The following CWC15 variants were observed in gnomAD, a reference collection of about 807,000 sequenced individuals.
The protein encoded by CWC15 is spliceosome-associated protein CWC15 homolog.
CWC15 carries 12 observed loss-of-function variants against 28.4 expected under a neutral mutation model. The observed-to-expected ratio is 0.42, with a 90% CI of 0.27 to 0.69. The LOEUF (loss-of-function observed/expected upper bound fraction) is 0.69. CWC15 is among the 30% of genes least tolerant of loss of function. The pLI is 0.23. For missense variants in CWC15, 192 were observed against 271.5 expected (o/e 0.71, Z 2.06); for synonymous variants, 92 against 88.4 (o/e 1.04, Z -0.23).
At chr11:94,969,358 C>T (rs1857687338) in intron 5 of CWC15, among the ~76,000 whole-genome samples, 1 of 152,166 alleles carries the variant, frequency 6.6e-6, no homozygotes, top group African/African-American at 2.4e-5. Flanking sequence ...TATCAATCTC[C>T]TGCTGAAATC....
intron 5 of CWC15, among the ~76,000 whole-genome samples, chr11:94,969,581 C>T (rs1555095832): frequency 6.6e-6 from 1 of 152,084 alleles, no homozygotes; most frequent in African/African-American, 2.4e-5. Context: ...AGTTAGGTAG[C>T]TTGACCTAGG....
At position 94,971,543 on chromosome 11, in the gene CWC15, C is replaced by CAT. The variant is rs782292883; in HGVS notation, c.132-57_132-56insAT. 1.0e-3 allele frequency: 1,038 copies of CAT among 1,009,690 alleles called. 3 individuals are homozygous for CAT. The highest frequency in any genetic ancestry group is 2.2e-3 in the Admixed American group (96 of 43,604). The allele number at this position is 1,009,690 out of a possible 1,614,324, so 62.5% of individuals were successfully genotyped here. A position where few individuals can be genotyped will look rare whatever the true frequency, so the allele number is the denominator to read the frequency against. On this transcript the variant is annotated intron_variant, in intron 2 of 6. Coordinates refer to ENST00000279839, the MANE Select transcript of CWC15 (RefSeq NM_016403.4). ...TTACTTAAACACACACACACACACA[C>CAT]ACAGAGACTGTAGTAATGGAAGACA...
chr11:94,971,059 G>T lies in CWC15; in HGVS notation c.251C>A (p.Thr84Lys). 6.2e-7 allele frequency: 1 copy of T among 1,613,188 alleles called. No homozygotes were observed. The highest frequency in any genetic ancestry group is 1.1e-5 in the South Asian group (1 of 91,066). The change falls in exon 4 of 7, where the codon ACA (threonine) becomes AAA (lysine). Residue 84 changes from threonine (T) to lysine (K), a missense_variant. By Grantham distance (78) the Thr-to-Lys change is moderately conservative. Transcript: ENST00000279839. ...KNRDRPTREH[T>K]TSSSVSKKPR... ...CTTTTTTGACACTGAAGAGGAGGTTGTATGTTCTGGGGGGAAACAAAAATC... is the reference window on the plus strand; with the variant it reads ...CTTTTTTGACACTGAAGAGGAGGTTTTATGTTCTGGGGGGAAACAAAAATC...
chr11:94,963,548 ATGTT>A (rs1857596732), intron 6 of CWC15, 34 bp from the exon 7 acceptor site: 1 of 1,536,382 alleles, frequency 6.5e-7, no homozygotes. Flanking sequence ...ACGTCTGAAA[ATGTT>A]TGTATCAGGA....
At chr11:94,968,350 T>C (rs893778728) in intron 5 of CWC15, among the ~76,000 whole-genome samples, 4 of 152,068 alleles carry the variant, frequency 2.6e-5, no homozygotes, top group African/African-American at 7.2e-5. Flanking sequence ...AACCAGCCAA[T>C]AGAAAGGGAA....
At chr11:94,969,099 A>C (rs1565413896) in intron 5 of CWC15, among the ~76,000 whole-genome samples, 1 of 152,202 alleles carries the variant, frequency 6.6e-6, no homozygotes, top group Non-Finnish European at 1.5e-5. Flanking sequence ...CTCTGCTGCT[A>C]CAATCAATCA....
intron 1 of CWC15, among the ~76,000 whole-genome samples, chr11:94,972,551 C>G (rs587593846): frequency 2.0e-5 from 3 of 152,260 alleles, no homozygotes; most frequent in Non-Finnish European, 2.9e-5. Flanking sequence ...TGTCAAAACC[C>G]TAGTAAAATA....
At chr11:94,967,460 A>C (rs1857662000) in intron 5 of CWC15, among the ~76,000 whole-genome samples, 1 of 152,208 alleles carries the variant, frequency 6.6e-6, no homozygotes, top group African/African-American at 2.4e-5. Flanking sequence ...TAAAATGTCT[A>C]AAATCCTTAG....
intron 5 of CWC15, 95 bp downstream of exon 5, chr11:94,969,894 T>C: frequency 3.2e-6 from 2 of 621,352 alleles, no homozygotes; most frequent in Non-Finnish European, 5.1e-6. Flanking sequence ...GTAAAGGAGA[T>C]TTCTAATATA....
At chr11:94,966,158 A>G (rs1287972624) in intron 6 of CWC15, 137 bp downstream of exon 6, 3 of 568,162 alleles carry the variant, frequency 5.3e-6, no homozygotes, top group African/African-American at 4.0e-5. Context: ...GACTTTTAGA[A>G]GCTTTTTACA....
Position 94,963,064 on chromosome 11 carries a change from T to C in CWC15, c.*321A>G, listed in dbSNP as rs763124377. The stretch of plus-strand genomic sequence containing the variant: ...TAATTTTTCTTTTCAAAAGATATTA[T>C]GGAATGTATTACTAGCAGCATAAAT... On this transcript the variant is annotated 3_prime_UTR_variant, in exon 7 of 7. Transcript: ENST00000279839. 5.6e-5 allele frequency: 10 copies of C among 179,932 alleles called. No homozygotes were observed. Among genetic ancestry groups the C allele is most frequent in the Non-Finnish European group, 1.0e-4 (9 of 86,886 alleles). 11.1% of individuals were successfully genotyped at this position (179,932 alleles called of 1,614,324 possible). A position where few individuals can be genotyped will look rare whatever the true frequency, so the allele number is the denominator to read the frequency against.
At chr11:94,972,824 T>C (rs587613002) in intron 1 of CWC15, among the ~76,000 whole-genome samples, 2 of 152,302 alleles carry the variant, frequency 1.3e-5, no homozygotes, top group African/African-American at 4.8e-5. Context: ...GGCATCATAC[T>C]ATAAATTAGA....
intron 2 of CWC15, 110 bp from the exon 3 acceptor site, chr11:94,971,597 C>T: frequency 1.5e-6 from 1 of 645,196 alleles, no homozygotes; most frequent in East Asian, 2.8e-5. Flanking sequence ...GTCCTTCAAG[C>T]AGAAAAAAGG....
At chr11:94,973,248 G>A (rs1790565823) in intron 1 of CWC15, 1 of 152,162 alleles carries the variant, frequency 6.6e-6, no homozygotes. Flanking sequence ...CACTGCAGGG[G>A]TGCGAAGGGT....
intron 6 of CWC15, among the ~76,000 whole-genome samples, chr11:94,965,897 T>C (rs1193228689): frequency 1.3e-5 from 2 of 152,150 alleles, no homozygotes; most frequent in Admixed American, 6.5e-5. Context: ...GCCAAGCATA[T>C]TAACTATACA....
chr11:94,963,426 A>G lies in CWC15; in HGVS notation c.649T>C (p.Ser217Pro). The G allele has an allele frequency of 6.3e-7, 1 of 1,583,046 alleles. No homozygotes were observed. Among genetic ancestry groups the G allele is most frequent in the Non-Finnish European group, 8.6e-7 (1 of 1,162,298 alleles). The change falls in exon 7 of 7, where the codon TCT becomes CCT. Residue 217 changes from serine to proline, a missense_variant. This residue lies in a region of CWC15 where 188 missense variants were observed against 250.3 expected (regional missense o/e 0.75). Transcript: ENST00000279839. ...TCCATGAACTTTTTGTGAAATTCAG[A>G]TCGCAGTGTGTCATTTACAAATCTT... ...DKRFVNDTLR[S>P]EFHKKFMEKY...
chr11:94,964,913 T>C (rs371938183), intron 6 of CWC15, among the ~76,000 whole-genome samples: 4 of 152,250 alleles, frequency 2.6e-5, no homozygotes, highest in Admixed American at 2.6e-4. Flanking sequence ...TCCTGTCTTA[T>C]GGCTTTAAAA....
intron 6 of CWC15, among the ~76,000 whole-genome samples, chr11:94,965,582 C>A (rs1255761398): frequency 6.6e-6 from 1 of 152,172 alleles, no homozygotes; most frequent in African/African-American, 2.4e-5. Context: ...CTATAATTTA[C>A]AAATAATGTG....
At chr11:94,966,461 T>C (rs1857644884) in intron 5 of CWC15, 48 bp from the exon 6 acceptor site, 2 of 1,279,498 alleles carry the variant, frequency 1.6e-6, no homozygotes, top group Non-Finnish European at 2.2e-6. Flanking sequence ...TAACTCTGGG[T>C]TCAATTTTTT....
Sources: allele counts gnomAD v4.1 joint callset (sites outside exome capture counted in the v4.1 genomes callset), GRCh38; gene constraint gnomAD v4.1.1; regional missense constraint gnomAD v4.1.1; transcripts MANE v1.5; gene names NCBI Gene and HGNC (gene_info 2026-07-23, HGNC 2026-07-21).